Variants in SHISAL2A observed in about 807,000 individuals in gnomAD.
SHISAL2A encodes the protein protein shisa-like-2A.
Under a neutral mutation model 11.5 loss-of-function variants are expected in SHISAL2A, and 18 were observed. That is an observed-to-expected ratio of 1.57 (90% CI 1.08 to 2.33). SHISAL2A has a LOEUF of 2.33. Ranked by LOEUF, SHISAL2A falls within the 30% of genes most tolerant of loss-of-function variation. The pLI, the probability that SHISAL2A is intolerant of heterozygous loss-of-function variation, is 0.00. For missense variants in SHISAL2A, 261 were observed against 250.9 expected (o/e 1.04, Z -0.27); for synonymous variants, 94 against 99.6 (o/e 0.94, Z 0.34).
Position 52,640,980 on chromosome 1 carries a change from A to G in SHISAL2A, c.183-1883A>G, listed in dbSNP as rs534282061. On this transcript the variant is annotated intron_variant, in intron 1 of 2. Transcript: ENST00000517870. ...TCACCAATGGTAATCAATCATGCCT[A>G]TGTAATGAAGCCTCCATAAAATCCC... Among the ~76,000 whole-genome samples the G allele has an allele frequency of 7.2e-5, 11 of 152,274 alleles. No homozygotes were observed. In the South Asian group the frequency reaches 2.3e-3, roughly 32 times the overall value.
rs1193176030 is a variant in SHISAL2A at position 52,633,683 on chromosome 1, C to T, written c.182+8C>T. 1 of 1,597,182 alleles carries T rather than the reference C, an allele frequency of 6.3e-7. No individual in the cohort carries two copies. The highest frequency in any genetic ancestry group is 1.4e-5 in the African/African-American group (1 of 72,912). ...CTACATGTGGTGGCTCAGGTACCGTCCCTGGCCCTCACCCTACCTTGAACC... is the reference window on the plus strand; with the variant it reads ...CTACATGTGGTGGCTCAGGTACCGTTCCTGGCCCTCACCCTACCTTGAACC... On this transcript the variant is annotated splice_region_variant and intron_variant, in intron 1 of 2. Transcript: ENST00000517870. The surrounding 1 kb of genome is among the most constrained non-coding windows in gnomAD (Gnocchi z 6.4).
At chr1:52,632,806 GC>G (rs1691153605), upstream of SHISAL2A, among the ~76,000 whole-genome samples, 7 of 152,290 alleles carry the variant, frequency 4.6e-5, no homozygotes, top group South Asian at 1.4e-3. Context: ...CTACTAGGCC[GC>G]CCCCGGTTAA....
chr1:52,648,980 C>G (rs1419472701), intron 2 of SHISAL2A, among the ~76,000 whole-genome samples: 1 of 152,170 alleles, frequency 6.6e-6, no homozygotes, highest in Non-Finnish European at 1.5e-5. Flanking sequence ...GACAGCATGT[C>G]CTCTTGATTT....
intron 2 of SHISAL2A, among the ~76,000 whole-genome samples, chr1:52,647,772 G>A (rs946569333): frequency 1.9e-4 from 29 of 151,634 alleles, no homozygotes; most frequent in African/African-American, 7.0e-4. Context: ...TTGAGGCCAG[G>A]AGGTGGAGAC....
chr1:52,644,164 A>G (rs191068884), intron 2 of SHISAL2A, among the ~76,000 whole-genome samples: 1 of 152,328 alleles, frequency 6.6e-6, no homozygotes, highest in Non-Finnish European at 1.5e-5. Context: ...GGTATGTGCA[A>G]GTATATAACT....
chr1:52,652,627 A>C (rs1691692897), intron 2 of SHISAL2A, among the ~76,000 whole-genome samples: 1 of 152,092 alleles, frequency 6.6e-6, no homozygotes, highest in Non-Finnish European at 1.5e-5. Context: ...ATAACAAAGA[A>C]TCCCAAGGAG....
intron 2 of SHISAL2A, among the ~76,000 whole-genome samples, chr1:52,645,942 A>C (rs1382362308): frequency 6.6e-6 from 1 of 152,242 alleles, no homozygotes; most frequent in Non-Finnish European, 1.5e-5. Flanking sequence ...AAAACAAAGA[A>C]GAGGAGGGAC....
intron 1 of SHISAL2A, among the ~76,000 whole-genome samples, chr1:52,641,965 G>C (rs1464609630): frequency 1.3e-5 from 2 of 151,966 alleles, no homozygotes; most frequent in African/African-American, 4.8e-5. Flanking sequence ...ATAGCTGGGC[G>C]TGGTGGCACA....
At chr1:52,636,091 CAG>C (rs1463170001) in intron 1 of SHISAL2A, among the ~76,000 whole-genome samples, 2 of 152,274 alleles carry the variant, frequency 1.3e-5, no homozygotes, top group East Asian at 3.8e-4. Flanking sequence ...CTTGTAAGTA[CAG>C]AGACAATGTG....
intron 1 of SHISAL2A, among the ~76,000 whole-genome samples, chr1:52,638,108 C>T (rs1289474581): frequency 1.3e-5 from 2 of 152,186 alleles, no homozygotes; most frequent in Non-Finnish European, 2.9e-5. Flanking sequence ...TTGTTCCCAA[C>T]TCTGTCCTTG....
intron 1 of SHISAL2A, among the ~76,000 whole-genome samples, chr1:52,641,013 G>A (rs1051873120): frequency 9.2e-5 from 14 of 152,170 alleles, no homozygotes; most frequent in African/African-American, 3.4e-4. Flanking sequence ...CCCGAAGACA[G>A]GGTTTAGAGA....
chr1:52,645,071 G>A lies in SHISAL2A; in HGVS notation c.322+2069G>A, dbSNP rs555236084. Among the ~76,000 whole-genome samples the A allele has an allele frequency of 7.9e-5, 12 of 152,014 alleles. No individual in the cohort carries two copies. In the South Asian group the frequency reaches 8.3e-4, roughly 11 times the overall value. Reference sequence around the variant, plus strand: ...AGAAGTAAGGGTGACAGGAGGCATCGGGGAGGTAGAAGGGGCAAGGTGGGT... The same window carrying A: ...AGAAGTAAGGGTGACAGGAGGCATCAGGGAGGTAGAAGGGGCAAGGTGGGT... On this transcript the variant is annotated intron_variant, in intron 2 of 2. Coordinates refer to ENST00000517870, the MANE Select transcript of SHISAL2A (RefSeq NM_001042693.3).
In SHISAL2A at chr1:52,633,890, C is replaced by A. The variant is rs1310090779; in HGVS notation, c.182+215C>A. Among the ~76,000 whole-genome samples the A allele has an allele frequency of 6.6e-6, 1 of 151,792 alleles. No individual in the cohort carries two copies. Among genetic ancestry groups the A allele is most frequent in the Non-Finnish European group, 1.5e-5 (1 of 67,982 alleles). On this transcript the variant is annotated intron_variant, in intron 1 of 2. Transcript: ENST00000517870. The surrounding 1 kb of genome is among the most constrained non-coding windows in gnomAD (Gnocchi z 6.4). Reference sequence around the variant, plus strand: ...ACCATTATTTAGAGCCATGCTCGGACCTCCCCCTCCTCTAATCCAAAACAA... The same window carrying A: ...ACCATTATTTAGAGCCATGCTCGGAACTCCCCCTCCTCTAATCCAAAACAA...
chr1:52,660,941 G>A (rs1408372805), downstream of SHISAL2A, among the ~76,000 whole-genome samples: 1 of 152,142 alleles, frequency 6.6e-6, no homozygotes, highest in Admixed American at 6.5e-5. Flanking sequence ...AGCAATAACT[G>A]GATTAAGTTT....
At chr1:52,651,113 C>A (rs1238156409) in intron 2 of SHISAL2A, among the ~76,000 whole-genome samples, 1 of 152,196 alleles carries the variant, frequency 6.6e-6, no homozygotes, top group Non-Finnish European at 1.5e-5. Context: ...CACCAGCCAT[C>A]ACATCTCAGA....
chr1:52,634,299 C>G (rs940180245), intron 1 of SHISAL2A, among the ~76,000 whole-genome samples: 2 of 152,186 alleles, frequency 1.3e-5, no homozygotes, highest in Non-Finnish European at 2.9e-5. Context: ...CAGCCTCAGC[C>G]CAGCGTCAAC....
intron 2 of SHISAL2A, among the ~76,000 whole-genome samples, chr1:52,649,475 A>G (rs1254564941): frequency 6.6e-6 from 1 of 152,210 alleles, no homozygotes; most frequent in African/African-American, 2.4e-5. Flanking sequence ...TGGCAAGAGC[A>G]GAGTGTAAAT....
rs1424218865 is a variant in SHISAL2A at position 52,633,561 on chromosome 1, G to A, written c.68G>A (p.Arg23Gln). The A allele has an allele frequency of 1.2e-6, 2 of 1,610,412 alleles. No homozygotes were observed. Among genetic ancestry groups the A allele is most frequent in the African/African-American group, 2.7e-5 (2 of 74,598 alleles). The change falls in exon 1 of 3, where the codon CGG (arginine) becomes CAG (glutamine). Residue 23 changes from arginine (R) to glutamine (Q), a missense_variant. By Grantham distance (43) the Arg-to-Gln change is conservative. Coordinates refer to ENST00000517870, the MANE Select transcript of SHISAL2A (RefSeq NM_001042693.3). The surrounding 1 kb of genome is among the most constrained non-coding windows in gnomAD (Gnocchi z 6.4). ...GTGGTGCGCGGCTTCAGCTGCCCGC[G>A]GCCGGGGGGCGAGGCGGCCGCTGTC... ...QEVVRGFSCP[R>Q]PGGEAAAVFC...
intron 1 of SHISAL2A, chr1:52,639,826 TC>T (rs1446187753): frequency 6.6e-6 from 1 of 152,054 alleles, no homozygotes; most frequent in African/African-American, 2.4e-5. Flanking sequence ...TCTTGCTCTG[TC>T]ACCTAGGCTG....
Sources: gnomAD v4.1 joint callset for allele counts (sites outside exome capture counted in the v4.1 genomes callset) on GRCh38, gnomAD v4.1.1 for gene constraint, Gnocchi (gnomAD v3.1) non-coding constraint, MANE v1.5 for transcripts, NCBI Gene and HGNC (gene_info 2026-07-23, HGNC 2026-07-21) for gene names.